ANXA10: variants seen among roughly 807,000 people sequenced by gnomAD.
ANXA10 encodes annexin A10.
Under a neutral mutation model 53.5 loss-of-function variants are expected in ANXA10, and 49 were observed. The observed-to-expected ratio is 0.92, with a 90% CI of 0.73 to 1.16. The LOEUF (loss-of-function observed/expected upper bound fraction) is 1.16. Among genes scored for constraint, ANXA10 ranks in the 50% most tolerant of loss-of-function variants. The pLI is 0.00. For synonymous variants in ANXA10, 131 were observed against 128.9 expected (o/e 1.02, Z -0.11); for missense variants, 393 against 394.4 (o/e 1.00, Z 0.03).
At chr4:168,127,193 G>A (rs1731083330) in intron 1 of ANXA10, among the ~76,000 whole-genome samples, 1 of 152,016 alleles carries the variant, frequency 6.6e-6, no homozygotes, top group African/African-American at 2.4e-5. Flanking sequence ...AGTCCTGACG[G>A]GTTCAGTCCA....
At chr4:168,108,194 G>A (rs1009141438) in intron 1 of ANXA10, among the ~76,000 whole-genome samples, 1 of 152,072 alleles carries the variant, frequency 6.6e-6, no homozygotes, top group Non-Finnish European at 1.5e-5. Flanking sequence ...CTTAATTTTG[G>A]TGGGTTTTAG....
chr4:168,184,581 C>T lies in ANXA10; in HGVS notation c.806C>T (p.Thr269Ile), dbSNP rs1294336296. 1.2e-6 allele frequency: 2 copies of T among 1,613,958 alleles called. No individual in the cohort carries two copies. The highest frequency in any genetic ancestry group is 1.7e-6 in the Non-Finnish European group (2 of 1,179,894). ...TAGGACTTTGGTTTCCATAATAAAA[C>T]TGTAATCAGGATTCTCATTGCCAGA... is the stretch of plus-strand genomic sequence containing the variant. ...AIHDFGFHNK[T>I]VIRILIARSE... The change falls in exon 11 of 12, where the codon ACT becomes ATT. Residue 269 changes from threonine (T) to isoleucine (I), a missense_variant. Coordinates refer to ENST00000359299, the MANE Select transcript of ANXA10 (RefSeq NM_007193.5).
chr4:168,156,101 A>AT (rs1393876624), intron 3 of ANXA10, among the ~76,000 whole-genome samples: 4 of 61,760 alleles, frequency 6.5e-5, no homozygotes, highest in African/African-American at 3.0e-4. Context: ...TTTATTATAT[A>AT]TAAATATTAT....
At chr4:168,106,715 C>A (rs951425224) in intron 1 of ANXA10, among the ~76,000 whole-genome samples, 1 of 152,026 alleles carries the variant, frequency 6.6e-6, no homozygotes, top group Non-Finnish European at 1.5e-5. Context: ...TGTCTGTTAT[C>A]ACAAGGGAAA....
At chr4:168,107,671 G>A (rs1730739727) in intron 1 of ANXA10, among the ~76,000 whole-genome samples, 1 of 152,166 alleles carries the variant, frequency 6.6e-6, no homozygotes, top group Non-Finnish European at 1.5e-5. Context: ...CAAAGTGTCA[G>A]CAAATTCGGT....
At chr4:168,139,458 C>T in intron 2 of ANXA10, 28 bp from the exon 3 acceptor site, 1 of 1,594,672 alleles carries the variant, frequency 6.3e-7, no homozygotes, top group South Asian at 1.1e-5. Flanking sequence ...AGCAACTTTA[C>T]TAATCTTCAA....
In ANXA10 at chr4:168,182,871, G is replaced by A. The variant is rs553393932; in HGVS notation, c.783+1130G>A. ...TAAAAATACAAAAAATTAGCCGGGC[G>A]TGGTTGCAGGCATCTGTAGTTCCAG... On this transcript the variant is annotated intron_variant, in intron 10 of 11. Transcript: ENST00000359299. 5.3e-5 allele frequency among the ~76,000 whole-genome samples: 8 copies of A among 150,294 alleles called. No individual in the cohort carries two copies. The South Asian group carries it at 1.0e-3, about 20-fold the overall frequency.
chr4:168,104,682 T>C (rs965397491), intron 1 of ANXA10, among the ~76,000 whole-genome samples: 17 of 151,988 alleles, frequency 1.1e-4, no homozygotes, highest in Non-Finnish European at 2.2e-4. Context: ...ATAGCATTCC[T>C]TTTGGTAGGA....
intron 9 of ANXA10, 68 bp from the exon 10 acceptor site, chr4:168,181,615 C>T: frequency 7.9e-7 from 1 of 1,267,980 alleles, no homozygotes. Context: ...GTTATTGTTT[C>T]TCAAATTCTG....
chr4:168,117,947 C>T (rs1339565527), intron 1 of ANXA10, among the ~76,000 whole-genome samples: 1 of 147,566 alleles, frequency 6.8e-6, no homozygotes, highest in Non-Finnish European at 1.5e-5. Context: ...TCCCTCCCTC[C>T]CTCACACTGG....
chr4:168,165,195 CTG>C lies in ANXA10; in HGVS notation c.401-51_401-50del, dbSNP rs759394572. 9 of 1,226,512 alleles carry C rather than the reference CTG, an allele frequency of 7.3e-6. No individual in the cohort carries two copies. The South Asian group carries it at 1.2e-4, about 16-fold the overall frequency. 76.0% of individuals were successfully genotyped at this position (1,226,512 alleles called of 1,614,324 possible). On this transcript the variant is annotated intron_variant, in intron 5 of 11. Transcript: ENST00000359299. Reference sequence around the variant, plus strand: ...ATAACATTAACTTACTCAAAACACACTGATACATAGTTCTATAATAAATCATA... The same window carrying C: ...ATAACATTAACTTACTCAAAACACACATACATAGTTCTATAATAAATCATA...
chr4:168,155,910 T>TGA (rs528248963), intron 3 of ANXA10, among the ~76,000 whole-genome samples: 822 of 2,094 alleles, frequency 0.39, 120 homozygotes, highest in African/African-American at 0.48. Context: ...ATATCATATA[T>TGA]TATATTATAT....
intron 1 of ANXA10, among the ~76,000 whole-genome samples, chr4:168,102,142 T>G (rs925835535): frequency 4.6e-5 from 7 of 152,148 alleles, no homozygotes; most frequent in Non-Finnish European, 1.0e-4. Context: ...CTAAAGTTAC[T>G]TAGGGCACAT....
At chr4:168,101,055 G>T (rs1415004608) in intron 1 of ANXA10, among the ~76,000 whole-genome samples, 5 of 151,884 alleles carry the variant, frequency 3.3e-5, no homozygotes, top group Non-Finnish European at 5.9e-5. Flanking sequence ...ATTGAAGGTG[G>T]GGCCTGGTGG....
intron 1 of ANXA10, among the ~76,000 whole-genome samples, chr4:168,111,504 G>T (rs1047358698): frequency 1.3e-5 from 2 of 152,150 alleles, no homozygotes; most frequent in Admixed American, 6.5e-5. Flanking sequence ...AAAAGCAGTA[G>T]TTTAAATCCA....
In ANXA10 at chr4:168,165,332, G is replaced by A. The variant is rs1162182507; in HGVS notation, c.480+6G>A. 1 of 1,528,924 alleles carries A rather than the reference G, an allele frequency of 6.5e-7. No homozygotes were observed. The highest frequency in any genetic ancestry group is 8.9e-7 in the Non-Finnish European group (1 of 1,126,904). 94.7% of individuals were successfully genotyped at this position (1,528,924 alleles called of 1,614,324 possible). On this transcript the variant is annotated splice_donor_region_variant and intron_variant, in intron 6 of 11. Coordinates refer to ENST00000359299, the MANE Select transcript of ANXA10 (RefSeq NM_007193.5). The stretch of plus-strand genomic sequence containing the variant: ...CTCTCATGAACTTGGTCCAGGTATG[G>A]CATTCCAAAATTTACATTACTTTGC...
intron 6 of ANXA10, among the ~76,000 whole-genome samples, chr4:168,167,781 C>A (rs932392931): frequency 2.0e-5 from 3 of 152,208 alleles, no homozygotes; most frequent in African/African-American, 7.2e-5. Context: ...CATCCTTGCT[C>A]CCTCATTTAT....
intron 1 of ANXA10, among the ~76,000 whole-genome samples, chr4:168,126,157 A>T (rs1219835938): frequency 6.6e-6 from 1 of 152,200 alleles, no homozygotes; most frequent in Non-Finnish European, 1.5e-5. Flanking sequence ...CATTGTTCGA[A>T]AGGTATAAAT....
At chr4:168,167,787 T>G (rs1296147933) in intron 6 of ANXA10, among the ~76,000 whole-genome samples, 3 of 152,188 alleles carry the variant, frequency 2.0e-5, no homozygotes, top group African/African-American at 7.2e-5. Flanking sequence ...TGCTCCCTCA[T>G]TTATGCCTTT....
Sources: allele counts gnomAD v4.1 joint callset (sites outside exome capture counted in the v4.1 genomes callset), GRCh38; gene constraint gnomAD v4.1.1; transcripts MANE v1.5; gene names NCBI Gene and HGNC (gene_info 2026-07-23, HGNC 2026-07-21).